The following UBE2E3 variants were observed in gnomAD, a reference collection of about 807,000 sequenced individuals.
UBE2E3 encodes ubiquitin-conjugating enzyme E2 E3.
In UBE2E3, 5 loss-of-function variants were observed where a neutral mutation model predicts 23.6. The observed-to-expected ratio is 0.21, with a 90% CI of 0.11 to 0.44. The LOEUF (loss-of-function observed/expected upper bound fraction) is 0.44. Ranked by LOEUF, UBE2E3 falls within the 20% of genes least tolerant of loss-of-function variation. UBE2E3 has a pLI of 0.99. For missense variants in UBE2E3, 81 were observed against 249.8 expected (o/e 0.32, Z 4.55); for synonymous variants, 78 against 87.5 (o/e 0.89, Z 0.60).
chr2:181,053,889 T>C (rs1686915171), intron 3 of UBE2E3, among the ~76,000 whole-genome samples: 2 of 151,970 alleles, frequency 1.3e-5, no homozygotes, highest in South Asian at 4.2e-4. Context: ...ACCACTGATA[T>C]TTTTACTGTT....
chr2:181,060,611 T>C, intron 4 of UBE2E3, 54 bp from the exon 5 acceptor site: 1 of 1,465,918 alleles, frequency 6.8e-7, no homozygotes, highest in South Asian at 1.4e-5. Flanking sequence ...TTTAGTGTTT[T>C]AATTGGTAAT....
At chr2:181,000,556 CT>C (rs112131285) in intron 3 of UBE2E3, among the ~76,000 whole-genome samples, 30,710 of 138,190 alleles carry the variant, frequency 0.22, 2,949 homozygotes, top group Non-Finnish European at 0.27. Context: ...AAAGAATAAC[CT>C]TTTTTTTTTT....
At chr2:180,988,524 G>C (rs1038414076) in intron 3 of UBE2E3, among the ~76,000 whole-genome samples, 10 of 152,112 alleles carry the variant, frequency 6.6e-5, no homozygotes, top group Non-Finnish European at 8.8e-5. Flanking sequence ...GATGAGTAAT[G>C]ATTATATTTT....
chr2:181,062,631 A>G (rs1273994781), intron 5 of UBE2E3, among the ~76,000 whole-genome samples, 160 bp from the exon 6 acceptor site: 1 of 151,594 alleles, frequency 6.6e-6, no homozygotes, highest in Non-Finnish European at 1.5e-5. Flanking sequence ...ATTAAAATAT[A>G]CATATGATCA....
chr2:180,991,581 A>G (rs969445148), intron 3 of UBE2E3, among the ~76,000 whole-genome samples: 1 of 152,190 alleles, frequency 6.6e-6, no homozygotes, highest in Non-Finnish European at 1.5e-5. Flanking sequence ...GGTGGCCAGG[A>G]TGTCTTTGAT....
intron 3 of UBE2E3, 62 bp downstream of exon 3, chr2:180,984,155 A>G (rs1684385193): frequency 6.9e-7 from 1 of 1,440,170 alleles, no homozygotes; most frequent in Non-Finnish European, 9.7e-7. Context: ...AGATTGATGT[A>G]TTGTCTGGAT....
intron 3 of UBE2E3, among the ~76,000 whole-genome samples, chr2:180,992,578 T>C (rs1267226519): frequency 6.6e-6 from 1 of 152,150 alleles, no homozygotes; most frequent in Non-Finnish European, 1.5e-5. Context: ...AGCTCTGACA[T>C]TTGGAACATA....
chr2:181,020,894 A>T (rs1829365), intron 3 of UBE2E3, among the ~76,000 whole-genome samples: 125,679 of 152,124 alleles, frequency 0.83, 52,093 homozygotes, highest in East Asian at 0.9. Context: ...ATTAAGTTTT[A>T]TATTAAGTTT....
chr2:180,987,307 T>C (rs1158615284), intron 3 of UBE2E3: 16 of 1,548,308 alleles, frequency 1.0e-5, no homozygotes, highest in African/African-American at 1.4e-5. Flanking sequence ...TGATGTGTTA[T>C]TAAGACATTT....
chr2:180,983,608 T>G (rs1304156546), intron 2 of UBE2E3, among the ~76,000 whole-genome samples: 1 of 152,234 alleles, frequency 6.6e-6, no homozygotes, highest in African/African-American at 2.4e-5. Context: ...GTCAGAACTG[T>G]TAATGTGCTC....
intron 4 of UBE2E3, 93 bp from the exon 5 acceptor site, chr2:181,060,572 C>A: frequency 8.6e-7 from 1 of 1,157,844 alleles, no homozygotes; most frequent in Non-Finnish European, 1.2e-6. Flanking sequence ...AATTTAGTAT[C>A]ATCTATGATA....
chr2:181,049,957 T>A (rs1686775592), intron 3 of UBE2E3, among the ~76,000 whole-genome samples: 1 of 151,940 alleles, frequency 6.6e-6, no homozygotes, highest in Admixed American at 6.6e-5. Flanking sequence ...ATATATTTAT[T>A]TGCCATACCC....
At chr2:180,994,213 A>G (rs1446358021) in intron 3 of UBE2E3, among the ~76,000 whole-genome samples, 3 of 152,170 alleles carry the variant, frequency 2.0e-5, no homozygotes, top group Admixed American at 6.5e-5. Context: ...TGAAAACCCT[A>G]AAATAAGCAC....
At chr2:180,981,666 T>C (rs1320467122) in intron 1 of UBE2E3, among the ~76,000 whole-genome samples, 1 of 152,232 alleles carries the variant, frequency 6.6e-6, no homozygotes, top group Non-Finnish European at 1.5e-5. Context: ...TTAAACATTT[T>C]TCAGCGAGAT....
intron 3 of UBE2E3, among the ~76,000 whole-genome samples, chr2:181,005,647 T>A (rs1685128258): frequency 6.6e-6 from 1 of 152,204 alleles, no homozygotes; most frequent in Non-Finnish European, 1.5e-5. Flanking sequence ...TTACTGACAT[T>A]TGGGTTTGAT....
intron 3 of UBE2E3, among the ~76,000 whole-genome samples, chr2:180,989,308 A>G (rs1325641608): frequency 6.6e-6 from 1 of 152,090 alleles, no homozygotes; most frequent in African/African-American, 2.4e-5. Flanking sequence ...TGTCTCATTC[A>G]TTTTTGTATC....
chr2:181,062,674 G>C (rs1687195092), intron 5 of UBE2E3, 117 bp from the exon 6 acceptor site: 1 of 432,006 alleles, frequency 2.3e-6, no homozygotes, highest in Admixed American at 4.2e-5. Flanking sequence ...TGAAAATTTA[G>C]CTATTATATA....
chr2:181,023,065 C>T (rs1429418435), intron 3 of UBE2E3, among the ~76,000 whole-genome samples: 1 of 152,230 alleles, frequency 6.6e-6, no homozygotes, highest in African/African-American at 2.4e-5. Flanking sequence ...AAATCACATG[C>T]ATTCAGTAGA....
Position 181,061,113 on chromosome 2 carries a change from T to G in UBE2E3, c.526+301T>G, listed in dbSNP as rs559031474. Among the ~76,000 whole-genome samples the G allele has an allele frequency of 2.7e-4, 2 of 7,446 alleles. 1 individual carries two copies. The highest frequency in any genetic ancestry group is 4.2e-4 in the Non-Finnish European group (2 of 4,790). The allele number at this position is 7,446 out of a possible 152,430, so 4.9% of individuals were successfully genotyped here. A position where few individuals can be genotyped will look rare whatever the true frequency, so the allele number is the denominator to read the frequency against. On this transcript the variant is annotated intron_variant, in intron 5 of 5. Transcript: ENST00000410062. ...ATTTAGGTGCACAGACCACTTCTTT[T>G]TTTTTTTTTTTTTTTTTTTTGAGAC...
Sources: allele counts gnomAD v4.1 joint callset (sites outside exome capture counted in the v4.1 genomes callset), GRCh38; gene constraint gnomAD v4.1.1; transcripts MANE v1.5; gene names NCBI Gene and HGNC (gene_info 2026-07-23, HGNC 2026-07-21).